The following KDM4A variants were observed in gnomAD, a reference collection of about 807,000 sequenced individuals.
KDM4A encodes the protein lysine demethylase 4A, also known as lysine-specific demethylase 4A.
KDM4A carries 23 observed loss-of-function variants against 127.1 expected under a neutral mutation model. The ratio of observed to expected loss-of-function variants is 0.18; its 90% CI spans 0.13 to 0.26. KDM4A has a LOEUF of 0.26. Ranked by LOEUF, KDM4A falls within the 10% of genes least tolerant of loss-of-function variation. The pLI, the probability that KDM4A is intolerant of heterozygous loss-of-function variation, is 1.00. For missense variants in KDM4A, 890 were observed against 1,329.1 expected (o/e 0.67, Z 5.14); for synonymous variants, 443 against 466.5 (o/e 0.95, Z 0.65).
chr1:43,680,916 T>G (rs1271641265), intron 11 of KDM4A, among the ~76,000 whole-genome samples: 1 of 152,214 alleles, frequency 6.6e-6, no homozygotes, highest in Non-Finnish European at 1.5e-5. Context: ...GTGGGCATAT[T>G]GGGGAACCAT....
chr1:43,692,628 G>A (rs1661143351), intron 16 of KDM4A, among the ~76,000 whole-genome samples: 1 of 152,184 alleles, frequency 6.6e-6, no homozygotes, highest in East Asian at 1.9e-4. Context: ...CTGGAGTGAG[G>A]ACATTCACCT....
intron 3 of KDM4A, among the ~76,000 whole-genome samples, chr1:43,658,761 C>T (rs1211703626): frequency 1.3e-5 from 2 of 151,978 alleles, no homozygotes; most frequent in Non-Finnish European, 2.9e-5. Context: ...CCTGGGCCTC[C>T]CAAGTGCTGG....
chr1:43,652,842 C>T (rs1452206423), intron 1 of KDM4A, among the ~76,000 whole-genome samples: 1 of 151,100 alleles, frequency 6.6e-6, no homozygotes, highest in Non-Finnish European at 1.5e-5. Context: ...GCCACCATGC[C>T]CAGCTAATTT....
intron 9 of KDM4A, among the ~76,000 whole-genome samples, 175 bp downstream of exon 9, chr1:43,668,194 C>A (rs532780703): frequency 1.3e-5 from 2 of 152,026 alleles, no homozygotes; most frequent in Non-Finnish European, 2.9e-5. Context: ...GGTGCGATCT[C>A]GGCTCACTGC....
rs140943147 is a variant in KDM4A at position 43,697,857 on chromosome 1, C to T, written c.2685C>T (p.Ala895=). 1 of 1,613,056 alleles carries T rather than the reference C, an allele frequency of 6.2e-7. No individual in the cohort carries two copies. Among genetic ancestry groups the T allele is most frequent in the Non-Finnish European group, 8.5e-7 (1 of 1,179,664 alleles). The change falls in exon 19 of 22, where the codon GCC becomes GCT. Residue 895 remains alanine (A), a synonymous_variant. Coordinates refer to ENST00000372396, the MANE Select transcript of KDM4A (RefSeq NM_014663.3). ...KIPNLERAKG[A]LQSITAGQKV... Reference sequence around the variant, plus strand: ...TTTTTTTCCAGCGTGCCAAGGGGGCCTTGCAAAGCATCACTGCAGGCCAGA... The same window carrying T: ...TTTTTTTCCAGCGTGCCAAGGGGGCTTTGCAAAGCATCACTGCAGGCCAGA...
At chr1:43,703,860 G>A in intron 20 of KDM4A, 124 bp downstream of exon 20, 2 of 1,399,748 alleles carry the variant, frequency 1.4e-6, no homozygotes, top group Admixed American at 1.9e-5. Flanking sequence ...TTCAGAGCTA[G>A]GGGTCTGCCC....
At chr1:43,686,882 T>G (rs1391096175) in intron 12 of KDM4A, among the ~76,000 whole-genome samples, 2 of 152,244 alleles carry the variant, frequency 1.3e-5, no homozygotes, top group Non-Finnish European at 2.9e-5. Context: ...TTTACATATG[T>G]AAACTGTATA....
At chr1:43,703,490 C>A in intron 19 of KDM4A, 127 bp from the exon 20 acceptor site, 1 of 1,184,868 alleles carries the variant, frequency 8.4e-7, no homozygotes. Flanking sequence ...CATTTTTCAG[C>A]CCAGAGAGCT....
chr1:43,688,885 C>T lies in KDM4A; in HGVS notation c.1856-29C>T. 6.2e-7 allele frequency: 1 copy of T among 1,604,456 alleles called. No individual in the cohort carries two copies. On this transcript the variant is annotated intron_variant, in intron 12 of 21. Coordinates refer to ENST00000372396, the MANE Select transcript of KDM4A (RefSeq NM_014663.3). This position sits in a 1 kb window ranked among gnomAD's most constrained non-coding sequence, Gnocchi z 4.4. ...GAGCCACAGATGTGCAGGGTTAGTG[C>T]TGACTCACACTTCTGTTTCCTCCTC...
chr1:43,690,493 C>T (rs1382275066), intron 13 of KDM4A: 1 of 347,334 alleles, frequency 2.9e-6, no homozygotes, highest in Non-Finnish European at 5.6e-6. Flanking sequence ...GGTGATCCAC[C>T]CGCCTCGGCC....
intron 5 of KDM4A, among the ~76,000 whole-genome samples, chr1:43,664,207 A>G (rs1660449491): frequency 6.6e-6 from 1 of 152,192 alleles, no homozygotes; most frequent in Non-Finnish European, 1.5e-5. Flanking sequence ...TGGGCTTAGC[A>G]GCTGGGAGAT....
rs1661181463 is a variant in KDM4A at position 43,694,035 on chromosome 1, G to C, written c.2417G>C (p.Arg806Thr). ...VSCAVAILEA[R>T]FVNIAERSPV... ...TGTGCTGTGGCAATTCTGGAAGCAAGGTTTGTCAACATTGCAGAAAGAAGT... is the reference window on the plus strand; with the variant it reads ...TGTGCTGTGGCAATTCTGGAAGCAACGTTTGTCAACATTGCAGAAAGAAGT... Residue 806 changes from arginine (R) to threonine (T), a missense_variant, in exon 17 of 22, where the codon AGG becomes ACG. This residue lies in a region of KDM4A where 246 missense variants were observed against 418.4 expected (regional missense o/e 0.59). Transcript: ENST00000372396. This position sits in a 1 kb window ranked among gnomAD's most constrained non-coding sequence, Gnocchi z 5.2. The C allele has an allele frequency of 1.2e-6, 2 of 1,614,236 alleles. No homozygotes were observed. Among genetic ancestry groups the C allele is most frequent in the Non-Finnish European group, 1.7e-6 (2 of 1,180,042 alleles).
Position 43,663,055 on chromosome 1 carries a change from C to T in KDM4A, c.591C>T (p.Ile197=), listed in dbSNP as rs182031472. 6.2e-7 allele frequency: 1 copy of T among 1,614,008 alleles called. No homozygotes were observed. Among genetic ancestry groups the T allele is most frequent in the East Asian group, 2.2e-5 (1 of 44,882 alleles). ...CTGAAGACATGGACCTCTACAGCAT[C>T]AACTACCTGCACTTTGGAGAACCAA... ...WHTEDMDLYS[I]NYLHFGEPKS... Residue 197 remains isoleucine (I), a synonymous_variant, in exon 5 of 22, where the codon ATC becomes ATT. Transcript: ENST00000372396.
At chr1:43,680,729 G>A (rs1251562546) in intron 11 of KDM4A, among the ~76,000 whole-genome samples, 1 of 152,232 alleles carries the variant, frequency 6.6e-6, no homozygotes, top group Non-Finnish European at 1.5e-5. Context: ...AAGTGTCTCT[G>A]GCATCACATC....
At chr1:43,654,943 C>T (rs745965750) in intron 2 of KDM4A, among the ~76,000 whole-genome samples, 137 of 151,954 alleles carry the variant, frequency 9.0e-4, no homozygotes, top group Non-Finnish European at 4.4e-4. Context: ...CCTCTGCCTC[C>T]GGGTTCAAGC....
intron 11 of KDM4A, among the ~76,000 whole-genome samples, chr1:43,681,081 A>G (rs1423862292): frequency 6.6e-6 from 1 of 152,130 alleles, no homozygotes; most frequent in Non-Finnish European, 1.5e-5. Context: ...GATCTTCTCA[A>G]AAATACTCCA....
rs1270280819 is a variant in KDM4A, at chr1:43,693,188, G to A, written c.2376-806G>A. ...ATTCTTTCTTATTTGGAGTGGAAAT[G>A]GCTGTGCTTGAATCTCTCACCTTTA... On this transcript the variant is annotated intron_variant, in intron 16 of 21. Transcript: ENST00000372396. This position sits in a 1 kb window ranked among gnomAD's most constrained non-coding sequence, Gnocchi z 4.2. Among the ~76,000 whole-genome samples, 1 of 152,196 alleles carries A rather than the reference G, an allele frequency of 6.6e-6. No homozygotes were observed. Among genetic ancestry groups the A allele is most frequent in the African/African-American group, 2.4e-5 (1 of 41,454 alleles).
chr1:43,660,361 A>G lies in KDM4A; in HGVS notation c.378A>G (p.Thr126=), dbSNP rs1263315276. ...AGCGGAAATACTGGAAAAATCTTACATTCAATCCTCCAATCTATGGTGCAG... is the reference window on the plus strand; with the variant it reads ...AGCGGAAATACTGGAAAAATCTTACGTTCAATCCTCCAATCTATGGTGCAG... The part of the protein sequence containing the change: ...ELERKYWKNL[T]FNPPIYGADV... The change falls in exon 4 of 22, where the codon ACA becomes ACG. Residue 126 remains threonine (T), a synonymous_variant. Coordinates refer to ENST00000372396, the MANE Select transcript of KDM4A (RefSeq NM_014663.3). 7 of 1,613,404 alleles carry G rather than the reference A, an allele frequency of 4.3e-6. No homozygotes were observed. Among genetic ancestry groups the G allele is most frequent in the African/African-American group, 2.7e-5 (2 of 74,930 alleles).
rs565759490 is a variant in KDM4A at position 43,660,150 on chromosome 1, T to A, written c.315-148T>A. On this transcript the variant is annotated intron_variant, in intron 3 of 21. Transcript: ENST00000372396. Reference sequence around the variant, plus strand: ...ATGGAAGGGACGTTGAGGGACTGACTACGTATTAGAGCCTTGAAGGCCAAG... The same window carrying A: ...ATGGAAGGGACGTTGAGGGACTGACAACGTATTAGAGCCTTGAAGGCCAAG... 7.5e-6 allele frequency: 6 copies of A among 799,632 alleles called. No individual in the cohort carries two copies. The South Asian group carries it at 8.2e-5, about 11-fold the overall frequency. 49.5% of individuals were successfully genotyped at this position (799,632 alleles called of 1,614,324 possible). A position where few individuals can be genotyped will look rare whatever the true frequency, so the allele number is the denominator to read the frequency against.
Sources: gnomAD v4.1 joint callset for allele counts (sites outside exome capture counted in the v4.1 genomes callset) on GRCh38, gnomAD v4.1.1 for gene constraint, gnomAD v4.1.1 regional missense constraint, Gnocchi (gnomAD v3.1) non-coding constraint, MANE v1.5 for transcripts, NCBI Gene and HGNC (gene_info 2026-07-23, HGNC 2026-07-21) for gene names.